The following CENPW variants were observed in gnomAD, a reference collection of about 807,000 sequenced individuals.
CENPW encodes the protein centromere protein W.
CENPW carries 3 observed loss-of-function variants against 11.1 expected under a neutral mutation model. The ratio of observed to expected loss-of-function variants is 0.27; its 90% CI spans 0.12 to 0.70. CENPW has a LOEUF of 0.70. Ranked by LOEUF, CENPW falls within the 30% of genes least tolerant of loss-of-function variation. The probability of loss-of-function intolerance (pLI) is 0.77; values close to 1 mark genes in which losing one functional copy is unlikely to be tolerated. For synonymous variants in CENPW, 38 were observed against 42.0 expected (o/e 0.91, Z 0.37); for missense variants, 100 against 105.6 (o/e 0.95, Z 0.23).
the CENPW span, among the ~76,000 whole-genome samples, chr6:126,376,862 C>G: frequency 6.6e-6 from 1 of 152,112 alleles, no homozygotes; most frequent in Non-Finnish European, 1.5e-5. Context: ...CTGATGGGGG[C>G]ACCCTGGTGT....
At chr6:126,357,541 T>C in the CENPW span, among the ~76,000 whole-genome samples, 1 of 152,188 alleles carries the variant, frequency 6.6e-6, no homozygotes, top group Admixed American at 6.5e-5. Flanking sequence ...TGTATTCTTC[T>C]ATGAGCATGG....
the CENPW span, among the ~76,000 whole-genome samples, chr6:126,410,470 TTAAGAA>T: frequency 6.6e-6 from 1 of 152,108 alleles, no homozygotes; most frequent in Admixed American, 6.5e-5. Flanking sequence ...TTTTGTGCCT[TTAAGAA>T]TCTCTTTCTG....
the CENPW span, among the ~76,000 whole-genome samples, chr6:126,428,814 T>G: frequency 6.6e-6 from 1 of 152,204 alleles, no homozygotes; most frequent in East Asian, 1.9e-4. Flanking sequence ...ATAATTTTTC[T>G]TGACATAAAA....
the CENPW span, among the ~76,000 whole-genome samples, chr6:126,362,608 C>T: frequency 2.6e-5 from 4 of 152,322 alleles, no homozygotes; most frequent in Middle Eastern, 3.4e-3. Context: ...TTGTCTAGTG[C>T]TATCTTGTCC....
chr6:126,412,815 C>T, the CENPW span, among the ~76,000 whole-genome samples: 1 of 151,988 alleles, frequency 6.6e-6, no homozygotes, highest in South Asian at 2.1e-4. Context: ...TTCAAGTTCT[C>T]TTTTCTGCCT....
At chr6:126,387,915 C>T in the CENPW span, among the ~76,000 whole-genome samples, 1 of 151,926 alleles carries the variant, frequency 6.6e-6, no homozygotes, top group South Asian at 2.1e-4. Flanking sequence ...AACATACTAG[C>T]CAGAGCCCGA....
the CENPW span, among the ~76,000 whole-genome samples, chr6:126,467,256 G>A: frequency 3.0e-4 from 45 of 152,114 alleles, no homozygotes; most frequent in East Asian, 3.9e-3. Context: ...TACAGGGCTA[G>A]AGTAACCAAA....
chr6:126,346,431 T>G (rs1477902891), intron 2 of CENPW, 113 bp downstream of exon 2: 2 of 522,608 alleles, frequency 3.8e-6, no homozygotes, highest in African/African-American at 1.9e-5. Flanking sequence ...TGAGTCGATA[T>G]TTGGCCTTTT....
At chr6:126,347,900 A>G (rs1780439181) in intron 2 of CENPW, among the ~76,000 whole-genome samples, 1 of 151,918 alleles carries the variant, frequency 6.6e-6, no homozygotes, top group African/African-American at 2.4e-5. Flanking sequence ...GCCACAGACT[A>G]TTATTTTGAA....
the CENPW span, among the ~76,000 whole-genome samples, chr6:126,415,677 AG>A: frequency 6.6e-6 from 1 of 152,210 alleles, no homozygotes; most frequent in Non-Finnish European, 1.5e-5. Flanking sequence ...TTCTCATGAT[AG>A]TGAACAAGTC....
chr6:126,458,077 C>G, the CENPW span, among the ~76,000 whole-genome samples: 2 of 151,414 alleles, frequency 1.3e-5, no homozygotes, highest in East Asian at 3.9e-4. Flanking sequence ...TTCTATTGAG[C>G]TTACACTTTC....
the CENPW span, among the ~76,000 whole-genome samples, chr6:126,431,129 T>A: frequency 3.5e-4 from 53 of 152,262 alleles, no homozygotes; most frequent in African/African-American, 1.1e-3. Flanking sequence ...ATCCTAAATA[T>A]CCTTAGGACA....
chr6:126,388,712 G>T, the CENPW span, among the ~76,000 whole-genome samples: 1 of 151,794 alleles, frequency 6.6e-6, no homozygotes, highest in Admixed American at 6.6e-5. Context: ...TCTATCAGTT[G>T]GTAAACTGAC....
At chr6:126,357,461 C>T in the CENPW span, among the ~76,000 whole-genome samples, 1 of 152,084 alleles carries the variant, frequency 6.6e-6, no homozygotes, top group African/African-American at 2.4e-5. Flanking sequence ...TGAAAGATGA[C>T]ATTGTTAGTT....
chr6:126,391,954 G>T, the CENPW span, among the ~76,000 whole-genome samples: 86 of 151,948 alleles, frequency 5.7e-4, no homozygotes, highest in East Asian at 1.4e-3. Context: ...GACTATTCTA[G>T]GTCTTTTTGT....
the CENPW span, among the ~76,000 whole-genome samples, chr6:126,392,765 A>T: frequency 6.6e-6 from 1 of 151,544 alleles, no homozygotes; most frequent in Non-Finnish European, 1.5e-5. Flanking sequence ...TCTTTTTCTC[A>T]TGTGTCTTGG....
chr6:126,408,332 G>A, the CENPW span, among the ~76,000 whole-genome samples: 3 of 152,160 alleles, frequency 2.0e-5, no homozygotes, highest in African/African-American at 4.8e-5. Context: ...GGTGGAAGAT[G>A]TAGGAGGAGC....
At chr6:126,418,115 G>T in the CENPW span, among the ~76,000 whole-genome samples, 2 of 152,170 alleles carry the variant, frequency 1.3e-5, no homozygotes, top group African/African-American at 4.8e-5. Flanking sequence ...GAAAGGATGT[G>T]GAGAAAGTGA....
At chr6:126,471,250 A>G in the CENPW span, among the ~76,000 whole-genome samples, 1 of 152,134 alleles carries the variant, frequency 6.6e-6, no homozygotes, top group Admixed American at 6.5e-5. Flanking sequence ...ATAGTGAGGT[A>G]GTTCTCATGA....
Sources: allele counts gnomAD v4.1 joint callset (sites outside exome capture counted in the v4.1 genomes callset), GRCh38; gene constraint gnomAD v4.1.1; transcripts MANE v1.5; gene names NCBI Gene and HGNC (gene_info 2026-07-23, HGNC 2026-07-21).